The following NRP1 variants were observed in gnomAD, a reference collection of about 807,000 sequenced individuals.
The protein encoded by NRP1 is neuropilin-1.
In NRP1, 35 loss-of-function variants were observed where a neutral mutation model predicts 106.7. The ratio of observed to expected loss-of-function variants is 0.33; its 90% CI spans 0.25 to 0.43. The LOEUF is 0.43. Ranked by LOEUF, NRP1 falls within the 20% of genes least tolerant of loss-of-function variation. NRP1 has a pLI of 1.00. For synonymous variants in NRP1, 437 were observed against 417.9 expected, an observed-to-expected ratio of 1.05 and a Z score of -0.56; for missense variants, 1,024 against 1,170.4, an observed-to-expected ratio of 0.87 and a Z score of 1.83.
At chr10:33,252,692 G>A (rs1288943621) in intron 6 of NRP1, among the ~76,000 whole-genome samples, 1 of 151,742 alleles carries the variant, frequency 6.6e-6, no homozygotes, top group Non-Finnish European at 1.5e-5. Flanking sequence ...CTGCCTGTTG[G>A]TTTGGGGATG....
chr10:33,208,899 CTTTTT>C (rs11310131), intron 9 of NRP1, among the ~76,000 whole-genome samples: 5 of 85,238 alleles, frequency 5.9e-5, no homozygotes, highest in Admixed American at 3.3e-4. Context: ...TTAGAGCAGC[CTTTTT>C]TTTTTTTTTT....
intron 6 of NRP1, among the ~76,000 whole-genome samples, chr10:33,246,990 T>A (rs1269556966): frequency 6.6e-6 from 1 of 152,162 alleles, no homozygotes; most frequent in Non-Finnish European, 1.5e-5. Flanking sequence ...AGGCGATACC[T>A]CTTCCACGCT....
intron 2 of NRP1, among the ~76,000 whole-genome samples, chr10:33,294,173 T>G (rs929102885): frequency 3.3e-5 from 5 of 152,220 alleles, no homozygotes; most frequent in Admixed American, 1.3e-4. Context: ...GGGTCCTACA[T>G]ATCTCAAACG....
intron 2 of NRP1, among the ~76,000 whole-genome samples, chr10:33,275,264 C>A (rs1843598573): frequency 6.6e-6 from 1 of 152,148 alleles, no homozygotes; most frequent in Admixed American, 6.5e-5. Context: ...ATGTCAAATA[C>A]CATGGAATAT....
intron 7 of NRP1, among the ~76,000 whole-genome samples, chr10:33,222,925 C>CG (rs1055945046): frequency 6.6e-6 from 1 of 152,160 alleles, no homozygotes; most frequent in South Asian, 2.1e-4. Flanking sequence ...TCTGCCTGGG[C>CG]GGGGGGCTGC....
chr10:33,310,675 T>C (rs1389399103), intron 2 of NRP1, among the ~76,000 whole-genome samples: 1 of 152,172 alleles, frequency 6.6e-6, no homozygotes, highest in Admixed American at 6.5e-5. Context: ...TGGAGTCCTT[T>C]CCATGTTTCC....
chr10:33,203,481 T>C (rs930968384), intron 10 of NRP1, among the ~76,000 whole-genome samples: 35 of 152,266 alleles, frequency 2.3e-4, no homozygotes, highest in African/African-American at 7.9e-4. Context: ...CGTTCACATT[T>C]AGTGCAATAG....
At position 33,290,258 on chromosome 10, in the gene NRP1, A is replaced by G. The variant is rs117258549; in HGVS notation, c.249-19402T>C. Among the ~76,000 whole-genome samples, 720 of 152,270 alleles carry G rather than the reference A, an allele frequency of 4.7e-3. 1 individual carries two copies. The highest frequency in any genetic ancestry group is 6.8e-3 in the Non-Finnish European group (464 of 68,028). On this transcript the variant is annotated intron_variant, in intron 2 of 16. Transcript: ENST00000374867. The stretch of plus-strand genomic sequence containing the variant: ...CAGAAGATTAATTTACAAAATAAAA[A>G]GTTTCCAAATCTGTGCTAGTTTAGT...
chr10:33,303,133 C>A (rs1245770675), intron 2 of NRP1, among the ~76,000 whole-genome samples: 4 of 152,184 alleles, frequency 2.6e-5, no homozygotes, highest in African/African-American at 7.2e-5. Flanking sequence ...GTCTCTGAAC[C>A]TTGCCATGGA....
At chr10:33,232,229 C>T (rs1025116470) in intron 6 of NRP1, among the ~76,000 whole-genome samples, 5 of 152,180 alleles carry the variant, frequency 3.3e-5, no homozygotes, top group African/African-American at 1.2e-4. Flanking sequence ...GTTCATCGTC[C>T]TAAACAATAC....
In NRP1 at chr10:33,234,011, A is replaced by C. The variant is rs576755961; in HGVS notation, c.982-7722T>G. On this transcript the variant is annotated intron_variant, in intron 6 of 16. Coordinates refer to ENST00000374867, the MANE Select transcript of NRP1 (RefSeq NM_003873.7). The stretch of plus-strand genomic sequence containing the variant: ...GATCCTGGACTTCTTACTGTTATGA[A>C]TCTGAATGCAGTCGCTTTAGAGTTA... Among the ~76,000 whole-genome samples the C allele has an allele frequency of 7.2e-5, 11 of 152,280 alleles. No homozygotes were observed. The East Asian group carries it at 2.1e-3, about 29-fold the overall frequency.
chr10:33,301,928 A>G (rs1845829065), intron 2 of NRP1, among the ~76,000 whole-genome samples: 1 of 152,220 alleles, frequency 6.6e-6, no homozygotes, highest in Non-Finnish European at 1.5e-5. Flanking sequence ...AATTAGTTCT[A>G]GAATAATGAA....
chr10:33,197,073 T>C (rs1174532054), intron 12 of NRP1, among the ~76,000 whole-genome samples: 1 of 152,166 alleles, frequency 6.6e-6, no homozygotes, highest in Non-Finnish European at 1.5e-5. Flanking sequence ...TGGCCCCTGA[T>C]CGACAGCAAA....
At chr10:33,250,650 C>G (rs1234579183) in intron 6 of NRP1, among the ~76,000 whole-genome samples, 1 of 152,198 alleles carries the variant, frequency 6.6e-6, no homozygotes, top group African/African-American at 2.4e-5. Context: ...GACCTTGTTT[C>G]CAAGCCTGGT....
chr10:33,333,146 T>A (rs1848404471), intron 1 of NRP1, among the ~76,000 whole-genome samples: 1 of 152,202 alleles, frequency 6.6e-6, no homozygotes, highest in Non-Finnish European at 1.5e-5. Context: ...TCTACATTCA[T>A]AATTTTTTGT....
intron 9 of NRP1, among the ~76,000 whole-genome samples, chr10:33,210,397 G>A (rs1423090975): frequency 6.6e-6 from 1 of 152,068 alleles, no homozygotes; most frequent in Non-Finnish European, 1.5e-5. Context: ...GATCATAGGA[G>A]AAAAGCATTT....
At chr10:33,239,844 A>G (rs2269093) in intron 6 of NRP1, among the ~76,000 whole-genome samples, 20,835 of 152,168 alleles carry the variant, frequency 0.14, 1,614 homozygotes, top group Admixed American at 0.23. Context: ...TGACGTCCAC[A>G]GGATGTTTAT....
intron 6 of NRP1, among the ~76,000 whole-genome samples, chr10:33,247,206 A>G (rs1380624990): frequency 6.6e-6 from 1 of 152,172 alleles, no homozygotes; most frequent in Non-Finnish European, 1.5e-5. Flanking sequence ...ATATGTCAGC[A>G]CTCACTCATC....
At chr10:33,248,012 G>C (rs536993246) in intron 6 of NRP1, among the ~76,000 whole-genome samples, 1 of 152,178 alleles carries the variant, frequency 6.6e-6, no homozygotes, top group African/African-American at 2.4e-5. Context: ...TTTTGGCCAG[G>C]CGTGGTGGCT....
Sources: allele counts gnomAD v4.1 joint callset (sites outside exome capture counted in the v4.1 genomes callset), GRCh38; gene constraint gnomAD v4.1.1; transcripts MANE v1.5; gene names NCBI Gene and HGNC (gene_info 2026-07-23, HGNC 2026-07-21).